Variants in ANKRD30B observed in about 807,000 individuals in gnomAD.
ANKRD30B encodes the protein ankyrin repeat domain-containing protein 30B.
ANKRD30B carries 144 observed loss-of-function variants against 202.2 expected under a neutral mutation model. That is an observed-to-expected ratio of 0.71 (90% CI 0.62 to 0.82). The LOEUF (loss-of-function observed/expected upper bound fraction) is 0.82, where lower values mean the gene tolerates loss of function less well. Among genes scored for constraint, ANKRD30B ranks in the 40% least tolerant of loss-of-function variants. ANKRD30B has a pLI of 0.00. For synonymous variants in ANKRD30B, 508 were observed against 561.3 expected, an observed-to-expected ratio of 0.91 and a Z score of 1.34; for missense variants, 1,487 against 1,669.1, an observed-to-expected ratio of 0.89 and a Z score of 1.90.
chr18:14,810,130 C>T lies in ANKRD30B; in HGVS notation c.2438C>T (p.Ser813Phe). ...LLKPTCVRKV[S>F]LPNKALELKD... ...TAGCCTACCTGTGTAAGGAAAGTTT[C>T]TCTTCCAAATAAAGCCTTAGAATTA... The change falls in exon 28 of 44, where the codon TCT becomes TTT. Residue 813 changes from serine to phenylalanine, a missense_variant. Coordinates refer to ENST00000690538, the MANE Select transcript of ANKRD30B (RefSeq NM_001367607.2). 1 of 1,489,394 alleles carries T rather than the reference C, an allele frequency of 6.7e-7. No homozygotes were observed. The highest frequency in any genetic ancestry group is 9.1e-7 in the Non-Finnish European group (1 of 1,096,110). 92.3% of individuals were successfully genotyped at this position (1,489,394 alleles called of 1,614,324 possible).
chr18:14,920,342 A>G, the ANKRD30B span, among the ~76,000 whole-genome samples: 1 of 152,180 alleles, frequency 6.6e-6, no homozygotes, highest in Non-Finnish European at 1.5e-5. Context: ...CTCTAAGCCT[A>G]TTTCTGTAAC....
the ANKRD30B span, among the ~76,000 whole-genome samples, chr18:14,875,244 C>CATAA: frequency 6.6e-6 from 1 of 152,138 alleles, no homozygotes; most frequent in Non-Finnish European, 1.5e-5. Flanking sequence ...AAGGAAACCC[C>CATAA]ATAACCTTGC....
intron 5 of ANKRD30B, among the ~76,000 whole-genome samples, chr18:14,759,779 A>G (rs2143698224): frequency 6.6e-6 from 1 of 152,372 alleles, no homozygotes; most frequent in East Asian, 1.9e-4. Flanking sequence ...AAATTATAAA[A>G]TAGCTTAGAT....
intron 4 of ANKRD30B, among the ~76,000 whole-genome samples, chr18:14,757,423 CTAA>C (rs2143677592): frequency 6.6e-6 from 1 of 152,348 alleles, no homozygotes; most frequent in East Asian, 1.9e-4. Flanking sequence ...ATGACTACTA[CTAA>C]TATCATTATT....
At chr18:14,886,592 T>C in the ANKRD30B span, among the ~76,000 whole-genome samples, 4 of 152,254 alleles carry the variant, frequency 2.6e-5, no homozygotes, top group Non-Finnish European at 5.9e-5. Context: ...GCTTGTATTT[T>C]ATATGTATAT....
chr18:14,920,210 T>C, the ANKRD30B span, among the ~76,000 whole-genome samples: 1 of 152,358 alleles, frequency 6.6e-6, no homozygotes, highest in South Asian at 2.1e-4. Context: ...GAACATGTTG[T>C]AGGTACTGGG....
At chr18:14,814,523 A>C in intron 29 of ANKRD30B, 98 bp from the exon 30 acceptor site, 1 of 540,176 alleles carries the variant, frequency 1.9e-6, no homozygotes, top group Admixed American at 2.7e-5. Context: ...TAAAGTAGGA[A>C]ACTGTGTTTT....
In ANKRD30B at chr18:14,748,650, C is replaced by T. The variant is rs1912876642; in HGVS notation, c.221+10C>T. 6.5e-7 allele frequency: 1 copy of T among 1,532,004 alleles called. No homozygotes were observed. The highest frequency in any genetic ancestry group is 8.8e-7 in the Non-Finnish European group (1 of 1,136,870). The allele number at this position is 1,532,004 out of a possible 1,614,324, so 94.9% of individuals were successfully genotyped here. A position where few individuals can be genotyped will look rare whatever the true frequency, so the allele number is the denominator to read the frequency against. On this transcript the variant is annotated intron_variant, in intron 1 of 43. Transcript: ENST00000690538. ...GAGATATGAAGAAGAGGTACCAGGC[C>T]CTGCCTGAGCCGGGGCTGCAGGAGG... is the stretch of plus-strand genomic sequence containing the variant.
chr18:14,893,524 T>A, the ANKRD30B span, among the ~76,000 whole-genome samples: 2 of 152,038 alleles, frequency 1.3e-5, no homozygotes, highest in East Asian at 3.9e-4. Context: ...GTCAGGAGAA[T>A]CATTTGAACC....
At chr18:14,834,890 C>T (rs908038875) in intron 34 of ANKRD30B, among the ~76,000 whole-genome samples, 1 of 151,884 alleles carries the variant, frequency 6.6e-6, no homozygotes, top group African/African-American at 2.4e-5. Flanking sequence ...TCTAGTCATA[C>T]TTATAATTTT....
the ANKRD30B span, among the ~76,000 whole-genome samples, chr18:14,892,853 G>A: frequency 6.6e-6 from 1 of 151,762 alleles, no homozygotes; most frequent in Non-Finnish European, 1.5e-5. Flanking sequence ...GGGAGGCAGA[G>A]GTTGCAATGA....
downstream of ANKRD30B, among the ~76,000 whole-genome samples, chr18:14,856,248 G>C (rs1357509127): frequency 7.5e-6 from 1 of 134,054 alleles, no homozygotes; most frequent in African/African-American, 2.8e-5. Flanking sequence ...GCCAGAGAAA[G>C]GTGCTCCTCA....
chr18:14,827,021 A>G (rs980374212), intron 32 of ANKRD30B, among the ~76,000 whole-genome samples: 3 of 152,140 alleles, frequency 2.0e-5, no homozygotes, highest in Non-Finnish European at 4.4e-5. Context: ...AGATGATATA[A>G]TGCCTATGTG....
chr18:14,833,442 G>A (rs965067561), intron 34 of ANKRD30B, among the ~76,000 whole-genome samples: 50 of 152,070 alleles, frequency 3.3e-4, no homozygotes, highest in Non-Finnish European at 1.2e-4. Flanking sequence ...TAGAGAGGGG[G>A]TTTCATCGTG....
chr18:14,818,769 T>C (rs371370108), intron 30 of ANKRD30B, among the ~76,000 whole-genome samples: 6 of 151,966 alleles, frequency 3.9e-5, no homozygotes, highest in Non-Finnish European at 5.9e-5. Context: ...CATTGTTGGA[T>C]ATTTGGGTTG....
Position 14,797,687 on chromosome 18 carries a change from A to C in ANKRD30B, c.1954A>C (p.Lys652Gln). 1 of 1,609,124 alleles carries C rather than the reference A, an allele frequency of 6.2e-7. No homozygotes were observed. Among genetic ancestry groups the C allele is most frequent in the South Asian group, 1.1e-5 (1 of 90,958 alleles). Residue 652 changes from lysine (K) to glutamine (Q), a missense_variant and splice_region_variant, in exon 19 of 44, where the codon AAG becomes CAG. By Grantham distance (53) the Lys-to-Gln change is moderately conservative. Coordinates refer to ENST00000690538, the MANE Select transcript of ANKRD30B (RefSeq NM_001367607.2). The stretch of plus-strand genomic sequence containing the variant: ...GTCTCCTGATAAAGATGGTCTTCTG[A>C]AGGTAATAGCTTTTATGTCTCTATC... ...AESPDKDGLL[K>Q]PTCGRKVSLP...
Position 14,784,916 on chromosome 18 carries a change from C to G in ANKRD30B, c.1672+381C>G, listed in dbSNP as rs542139105. Among the ~76,000 whole-genome samples, 142 of 152,228 alleles carry G rather than the reference C, an allele frequency of 9.3e-4. 1 individual carries two copies. Among genetic ancestry groups the G allele is most frequent in the African/African-American group, 3.3e-3 (138 of 41,554 alleles). ...GATCAAGTCTTTTACTGATATAACA[C>G]TTGTGTTTTAATATTAATTACCTCA... On this transcript the variant is annotated intron_variant, in intron 14 of 43. Transcript: ENST00000690538.
the ANKRD30B span, among the ~76,000 whole-genome samples, chr18:14,918,671 T>C: frequency 6.6e-6 from 1 of 152,170 alleles, no homozygotes; most frequent in African/African-American, 2.4e-5. Context: ...AAACTGTAAA[T>C]ATACAGGAAC....
intron 11 of ANKRD30B, among the ~76,000 whole-genome samples, chr18:14,780,962 A>G (rs1031608501): frequency 2.7e-5 from 4 of 150,824 alleles, no homozygotes; most frequent in Non-Finnish European, 5.9e-5. Context: ...TCAAATAATA[A>G]TGATGTGTAG....
Sources: gnomAD v4.1 joint callset for allele counts (sites outside exome capture counted in the v4.1 genomes callset) on GRCh38, gnomAD v4.1.1 for gene constraint, MANE v1.5 for transcripts, NCBI Gene and HGNC (gene_info 2026-07-23, HGNC 2026-07-21) for gene names.